The following COL6A6 variants were observed in gnomAD, a reference collection of about 807,000 sequenced individuals.
COL6A6 encodes the protein collagen type VI alpha 6 chain.
A neutral mutation model predicts 208.6 loss-of-function variants in COL6A6; 183 were observed. The ratio of observed to expected loss-of-function variants is 0.88; its 90% CI spans 0.78 to 0.99. The LOEUF is 0.99. COL6A6 is among the 50% of genes least tolerant of loss of function. The probability of loss-of-function intolerance (pLI) is 0.00; values close to 1 mark genes in which losing one functional copy is unlikely to be tolerated. For synonymous variants in COL6A6, 973 were observed against 1,011.8 expected (o/e 0.96, Z 0.73); for missense variants, 2,816 against 2,815.2 (o/e 1.00, Z -0.01).
chr3:130,623,051 T>G (rs2064783359), intron 24 of COL6A6, among the ~76,000 whole-genome samples: 1 of 152,058 alleles, frequency 6.6e-6, no homozygotes, highest in Admixed American at 6.5e-5. Context: ...CAAGAAAGCC[T>G]GTGGTGAATC....
intron 20 of COL6A6, among the ~76,000 whole-genome samples, chr3:130,600,628 A>G (rs1220681660): frequency 6.6e-6 from 1 of 152,132 alleles, no homozygotes; most frequent in African/African-American, 2.4e-5. Context: ...AAAACCAAAC[A>G]CCGCATGTTT....
rs559392844 is a variant in COL6A6 at position 130,596,319 on chromosome 3, C to T, written c.4533+1976C>T. On this transcript the variant is annotated intron_variant, in intron 18 of 36. Transcript: ENST00000358511. ...TATCCATATATGATGACCAAAAATT[C>T]ATTTGGGGCATTGCTATATAACCTC... 2.1e-3 allele frequency among the ~76,000 whole-genome samples: 327 copies of T among 152,230 alleles called. 1 individual carries two copies. The highest frequency in any genetic ancestry group is 3.6e-3 in the Non-Finnish European group (248 of 68,002).
intron 1 of COL6A6, among the ~76,000 whole-genome samples, chr3:130,518,767 A>G (rs541710291): frequency 4.6e-4 from 70 of 152,252 alleles, no homozygotes; most frequent in African/African-American, 1.6e-3. Context: ...CAGCCTCCCA[A>G]AGTGCTGGGA....
chr3:130,661,705 G>A lies in COL6A6; in HGVS notation c.5899G>A (p.Ala1967Thr), dbSNP rs1412517465. Reference protein sequence around the residue: ...PPPVQSYMDAAFLLDASRNMG... With the variant: ...PPPVQSYMDATFLLDASRNMG... ...CCCTGTGCAGTCTTACATGGATGCT[G>A]CTTTCCTTCTGGATGCCTCCCGGAA... The change falls in exon 35 of 37, where the codon GCT (alanine) becomes ACT (threonine). Residue 1967 changes from alanine (A) to threonine (T), a missense_variant. Transcript: ENST00000358511. The A allele has an allele frequency of 3.1e-6, 5 of 1,613,830 alleles. No homozygotes were observed. In the African/African-American group the frequency reaches 5.3e-5, roughly 17 times the overall value.
chr3:130,616,796 T>C (rs1354418745), intron 23 of COL6A6, among the ~76,000 whole-genome samples: 3 of 152,136 alleles, frequency 2.0e-5, no homozygotes, highest in Admixed American at 6.6e-5. Context: ...CTGCCTAGCA[T>C]TGATTCCTAA....
chr3:130,551,570 T>C (rs1252974568), intron 1 of COL6A6, among the ~76,000 whole-genome samples: 2 of 151,898 alleles, frequency 1.3e-5, no homozygotes, highest in East Asian at 3.8e-4. Context: ...TGTATTAGTC[T>C]AGCTAACATC....
rs377209857 is a variant in COL6A6 at position 130,574,422 on chromosome 3, C to A, written c.3444C>A (p.Ile1148=). 7 of 1,614,032 alleles carry A rather than the reference C, an allele frequency of 4.3e-6. No individual in the cohort carries two copies. The highest frequency in any genetic ancestry group is 5.9e-6 in the Non-Finnish European group (7 of 1,179,888). ...GDVDDQQLIQ[I]TGTAEKKLTV... ...TGGATGACCAGCAGCTCATTCAGAT[C>A]ACCGGGACTGCAGAGAAAAAACTGA... Residue 1148 remains isoleucine (I), a synonymous_variant, in exon 8 of 37, where the codon ATC becomes ATA. Transcript: ENST00000358511.
At chr3:130,581,313 T>C (rs2063414980) in intron 8 of COL6A6, among the ~76,000 whole-genome samples, 1 of 152,228 alleles carries the variant, frequency 6.6e-6, no homozygotes, top group African/African-American at 2.4e-5. Context: ...TAAAATAAAA[T>C]CTTTCAGAAC....
intron 1 of COL6A6, among the ~76,000 whole-genome samples, chr3:130,552,801 T>C (rs2062674908): frequency 9.4e-6 from 1 of 106,562 alleles, no homozygotes; most frequent in Admixed American, 1.0e-4. Context: ...TTCCTTTCTA[T>C]ATGTAGCAGT....
chr3:130,625,212 T>C (rs1404395684), intron 24 of COL6A6, among the ~76,000 whole-genome samples: 1 of 152,200 alleles, frequency 6.6e-6, no homozygotes, highest in African/African-American at 2.4e-5. Context: ...GATCTCCTGC[T>C]TCCCTTATAT....
In COL6A6 at chr3:130,571,386, A is replaced by G. The variant is rs775839635; in HGVS notation, c.2970A>G (p.Ser990=). ...SDVTASVCNS[S]KVDCEIDKVD... is the part of the protein sequence containing the mutation. ...TGACAGCCAGTGTCTGCAACTCTTC[A>G]AAAGTAGGTAAGTTTTGCCAACTAA... Residue 990 remains serine, a synonymous_variant, in exon 7 of 37, where the codon TCA becomes TCG. Coordinates refer to ENST00000358511, the MANE Select transcript of COL6A6 (RefSeq NM_001102608.3). 1.3e-6 allele frequency: 2 copies of G among 1,551,518 alleles called. No homozygotes were observed. The highest frequency in any genetic ancestry group is 1.4e-5 in the African/African-American group (1 of 72,666).
chr3:130,576,762 G>A (rs980137975), intron 8 of COL6A6, among the ~76,000 whole-genome samples: 2 of 152,196 alleles, frequency 1.3e-5, no homozygotes, highest in African/African-American at 4.8e-5. Flanking sequence ...GAGGACTGAT[G>A]AAGCTGGAAT....
chr3:130,661,747 T>TTTGA lies in COL6A6; in HGVS notation c.5942_5945dup (p.Glu1982AspfsTer2). Reference sequence around the variant, plus strand: ...CTCCCGGAACATGGGAAGTGCTGAATTTGAAGACATAAGAGCCTTCCTTGG... The same window carrying TTTGA: ...CTCCCGGAACATGGGAAGTGCTGAATTTGATTGAAGACATAAGAGCCTTCCTTGG... On this transcript the variant is annotated frameshift_variant, in exon 35 of 37. Transcript: ENST00000358511. LOFTEE classifies it high-confidence loss of function. 6.2e-7 allele frequency: 1 copy of TTTGA among 1,613,954 alleles called. No individual in the cohort carries two copies. The highest frequency in any genetic ancestry group is 1.3e-5 in the African/African-American group (1 of 75,040).
At chr3:130,656,090 GC>G (rs1312013259) in intron 33 of COL6A6, among the ~76,000 whole-genome samples, 1 of 152,214 alleles carries the variant, frequency 6.6e-6, no homozygotes, top group Admixed American at 6.5e-5. Context: ...GGGTATCACA[GC>G]CCTGACTTGA....
At chr3:130,610,307 G>A (rs2064317328) in intron 22 of COL6A6, among the ~76,000 whole-genome samples, 2 of 152,060 alleles carry the variant, frequency 1.3e-5, no homozygotes, top group African/African-American at 4.8e-5. Flanking sequence ...AAATGTTCTG[G>A]TTTCAGATGT....
intron 10 of COL6A6, among the ~76,000 whole-genome samples, chr3:130,584,475 G>T (rs1420840655): frequency 6.6e-6 from 1 of 151,990 alleles, no homozygotes. Flanking sequence ...AAGAATGACC[G>T]ACTATCCTGT....
At chr3:130,528,802 C>T (rs142245706) in intron 1 of COL6A6, among the ~76,000 whole-genome samples, 2 of 152,262 alleles carry the variant, frequency 1.3e-5, no homozygotes, top group East Asian at 3.9e-4. Context: ...AAAAAGCTCC[C>T]CAGGTAAGCC....
At chr3:130,659,880 C>T (rs1337186790) in intron 34 of COL6A6, among the ~76,000 whole-genome samples, 11 of 151,998 alleles carry the variant, frequency 7.2e-5, no homozygotes, top group Admixed American at 7.2e-4. Context: ...TCTAATAACC[C>T]CTCTTCTTTC....
At chr3:130,660,490 C>T (rs2065906930) in intron 34 of COL6A6, among the ~76,000 whole-genome samples, 1 of 152,224 alleles carries the variant, frequency 6.6e-6, no homozygotes, top group Non-Finnish European at 1.5e-5. Flanking sequence ...TATCCAGTAC[C>T]AACTGTCCAT....
Sources: allele counts gnomAD v4.1 joint callset (sites outside exome capture counted in the v4.1 genomes callset), GRCh38; gene constraint gnomAD v4.1.1; transcripts MANE v1.5; gene names NCBI Gene and HGNC (gene_info 2026-07-23, HGNC 2026-07-21).